EPHA5: variants seen among roughly 807,000 people sequenced by gnomAD.
EPHA5 encodes ephrin type-A receptor 5.
In EPHA5, 60 loss-of-function variants were observed where a neutral mutation model predicts 105.0. That is an observed-to-expected ratio of 0.57 (90% CI 0.46 to 0.71). EPHA5 has a LOEUF of 0.71. Ranked by LOEUF, EPHA5 falls within the 30% of genes least tolerant of loss-of-function variation. The probability of loss-of-function intolerance (pLI) is 0.00; values close to 1 mark genes in which losing one functional copy is unlikely to be tolerated. For synonymous variants in EPHA5, 513 were observed against 449.1 expected (o/e 1.14, Z -1.80); for missense variants, 1,218 against 1,274.7 (o/e 0.96, Z 0.68).
intron 13 of EPHA5, among the ~76,000 whole-genome samples, chr4:65,350,526 C>T (rs1377962140): frequency 1.3e-5 from 2 of 152,058 alleles, no homozygotes; most frequent in Non-Finnish European, 2.9e-5. Context: ...AGATCTCTAT[C>T]TTCACAAGGG....
chr4:65,402,319 T>C (rs1194699691), intron 8 of EPHA5, among the ~76,000 whole-genome samples: 1 of 152,150 alleles, frequency 6.6e-6, no homozygotes, highest in South Asian at 2.1e-4. Flanking sequence ...ATACAAAGTG[T>C]ATGGGTGACT....
intron 3 of EPHA5, among the ~76,000 whole-genome samples, chr4:65,573,205 A>G (rs937616122): frequency 2.0e-5 from 3 of 151,654 alleles, no homozygotes; most frequent in Admixed American, 6.6e-5. Flanking sequence ...AGGTCAGGAT[A>G]TAGAGACCAT....
chr4:65,365,821 C>A, intron 10 of EPHA5, 111 bp downstream of exon 10: 1 of 1,142,128 alleles, frequency 8.8e-7, no homozygotes, highest in Non-Finnish European at 1.2e-6. Flanking sequence ...ACTTTGAATG[C>A]AAGCCAATTA....
At chr4:65,607,821 C>A (rs1299326986) in intron 2 of EPHA5, among the ~76,000 whole-genome samples, 1 of 152,168 alleles carries the variant, frequency 6.6e-6, no homozygotes, top group Admixed American at 6.5e-5. Context: ...ACCCAGCAAT[C>A]CCATTACTGG....
chr4:65,606,856 A>C (rs1744276393), intron 2 of EPHA5, among the ~76,000 whole-genome samples: 1 of 152,154 alleles, frequency 6.6e-6, no homozygotes, highest in African/African-American at 2.4e-5. Context: ...GAATTACATA[A>C]AAATCTGGCA....
intron 13 of EPHA5, among the ~76,000 whole-genome samples, chr4:65,349,540 C>A (rs562300964): frequency 2.6e-5 from 4 of 152,088 alleles, no homozygotes; most frequent in Admixed American, 6.6e-5. Flanking sequence ...TGTGCCTTCC[C>A]ATTTTGCAGG....
chr4:65,419,472 G>T (rs1484195396), intron 6 of EPHA5, among the ~76,000 whole-genome samples: 1 of 152,016 alleles, frequency 6.6e-6, no homozygotes, highest in African/African-American at 2.4e-5. Context: ...TCTTTTTTGG[G>T]ATCTGCATGT....
At chr4:65,517,529 T>A (rs993257663) in intron 3 of EPHA5, among the ~76,000 whole-genome samples, 1 of 151,922 alleles carries the variant, frequency 6.6e-6, no homozygotes, top group Non-Finnish European at 1.5e-5. Context: ...AATGTAATTA[T>A]TGATATAGTT....
intron 1 of EPHA5, among the ~76,000 whole-genome samples, chr4:65,661,156 C>A (rs964195635): frequency 6.6e-6 from 1 of 152,030 alleles, no homozygotes; most frequent in Non-Finnish European, 1.5e-5. Context: ...TATATAAGGG[C>A]CAAATAATTT....
chr4:65,576,980 C>T (rs1191047884), intron 3 of EPHA5, among the ~76,000 whole-genome samples: 1 of 152,158 alleles, frequency 6.6e-6, no homozygotes, highest in East Asian at 1.9e-4. Flanking sequence ...ATTTTACACT[C>T]TATAGAAATG....
At chr4:65,582,731 T>C (rs1380336094) in intron 3 of EPHA5, among the ~76,000 whole-genome samples, 1 of 151,668 alleles carries the variant, frequency 6.6e-6, no homozygotes, top group African/African-American at 2.4e-5. Flanking sequence ...ATTTTAATTA[T>C]GTGATTTCTG....
chr4:65,519,270 CA>C (rs1294987490), intron 3 of EPHA5, among the ~76,000 whole-genome samples: 4 of 152,154 alleles, frequency 2.6e-5, no homozygotes, highest in African/African-American at 9.6e-5. Flanking sequence ...GAACCAAAGA[CA>C]AAAACCACAT....
At chr4:65,432,320 T>C (rs951079957) in intron 5 of EPHA5, among the ~76,000 whole-genome samples, 4 of 152,146 alleles carry the variant, frequency 2.6e-5, no homozygotes, top group Non-Finnish European at 5.9e-5. Flanking sequence ...TGTTTGCAAA[T>C]GTAGAAACTT....
chr4:65,428,133 A>T (rs1724628826), intron 5 of EPHA5, among the ~76,000 whole-genome samples: 2 of 152,108 alleles, frequency 1.3e-5, no homozygotes, highest in Non-Finnish European at 1.5e-5. Flanking sequence ...TTTGGGGTAC[A>T]TATTAGCATT....
intron 3 of EPHA5, among the ~76,000 whole-genome samples, chr4:65,560,824 A>G (rs745953260): frequency 6.6e-6 from 1 of 152,138 alleles, no homozygotes; most frequent in Non-Finnish European, 1.5e-5. Flanking sequence ...AATATAGAAT[A>G]TAGATTTTAT....
At position 65,365,038 on chromosome 4, in the gene EPHA5, A is replaced by C; in HGVS notation, c.2152T>G (p.Leu718Val). The C allele has an allele frequency of 6.2e-7, 1 of 1,610,946 alleles. No homozygotes were observed. The highest frequency in any genetic ancestry group is 8.5e-7 in the Non-Finnish European group (1 of 1,177,952). ...TTACTTTTGGTCACCACACCTTCTA[A>C]ATGGATGATGTTAGGATGATCAAAC... ...GQFDHPNIIHLEGVVTKSKPV... is the reference protein window; with the variant it reads ...GQFDHPNIIHVEGVVTKSKPV... The change falls in exon 11 of 17, where the codon TTA becomes GTA. Residue 718 changes from leucine to valine, a missense_variant. This residue lies in a region of EPHA5 where 971 missense variants were observed against 1,013.5 expected (regional missense o/e 0.96). Transcript: ENST00000613740.
chr4:65,368,732 A>G lies in EPHA5; in HGVS notation c.1794-1308T>C, dbSNP rs1376012177. ...CTGCAAAATATTTAATGAAATAATA[A>G]TATAAAGATTCCTAAATGTAGCCCT... is the stretch of plus-strand genomic sequence containing the variant. On this transcript the variant is annotated intron_variant, in intron 8 of 16. Coordinates refer to ENST00000613740, the MANE Select transcript of EPHA5 (RefSeq NM_001281766.3). 3.9e-5 allele frequency among the ~76,000 whole-genome samples: 6 copies of G among 152,320 alleles called. No homozygotes were observed. The East Asian group carries it at 1.2e-3, about 29-fold the overall frequency.
At chr4:65,505,181 TAAAAGACTAGG>T (rs1160513488) in intron 3 of EPHA5, among the ~76,000 whole-genome samples, 2 of 152,030 alleles carry the variant, frequency 1.3e-5, no homozygotes, top group Non-Finnish European at 2.9e-5. Flanking sequence ...AAGAACACAC[TAAAAGACTAGG>T]AAAAGTTAGA....
At chr4:65,581,521 G>C (rs1004462157) in intron 3 of EPHA5, among the ~76,000 whole-genome samples, 1 of 151,486 alleles carries the variant, frequency 6.6e-6, no homozygotes, top group African/African-American at 2.4e-5. Context: ...TTGAAACATG[G>C]GTCCTTATTT....
Sources: gnomAD v4.1 joint callset for allele counts (sites outside exome capture counted in the v4.1 genomes callset) on GRCh38, gnomAD v4.1.1 for gene constraint, gnomAD v4.1.1 regional missense constraint, MANE v1.5 for transcripts, NCBI Gene and HGNC (gene_info 2026-07-23, HGNC 2026-07-21) for gene names.